Variants in AGAP1 observed in about 807,000 individuals in gnomAD.
AGAP1 encodes ArfGAP with GTPase domain, ankyrin repeat and PH domain 1.
A neutral mutation model predicts 105.3 loss-of-function variants in AGAP1; 29 were observed. The ratio of observed to expected loss-of-function variants is 0.28; its 90% confidence interval spans 0.21 to 0.38. The LOEUF is 0.38. Ranked by LOEUF, AGAP1 falls within the 10% of genes least tolerant of loss-of-function variation. The pLI is 1.00. For missense variants in AGAP1, 998 were observed against 1,165.1 expected, an observed-to-expected ratio of 0.86 and a Z score of 2.09; for synonymous variants, 509 against 485.9, an observed-to-expected ratio of 1.05 and a Z score of -0.63.
chr2:235,936,330 C>T lies in AGAP1; in HGVS notation c.1483+5407C>T, dbSNP rs1027925378. 1.3e-5 allele frequency among the ~76,000 whole-genome samples: 2 copies of T among 152,336 alleles called. No individual in the cohort carries two copies. Among genetic ancestry groups the T allele is most frequent in the African/African-American group, 2.4e-5 (1 of 41,572 alleles). On this transcript the variant is annotated intron_variant, in intron 12 of 17. Transcript: ENST00000304032. This position sits in a 1 kb window ranked among gnomAD's most constrained non-coding sequence, Gnocchi z 4.7. ...TGTGTACGGGTGTATGCTCTGGTCCCTGTTTCCTTCTGGCCACGTAATCAT... is the reference window on the plus strand; with the variant it reads ...TGTGTACGGGTGTATGCTCTGGTCCTTGTTTCCTTCTGGCCACGTAATCAT...
intron 1 of AGAP1, among the ~76,000 whole-genome samples, chr2:235,685,796 G>A (rs1201186558): frequency 1.3e-5 from 2 of 152,102 alleles, no homozygotes; most frequent in Admixed American, 1.3e-4. Flanking sequence ...GGTTGAGGAT[G>A]TGCGCTCATT....
Position 235,600,400 on chromosome 2 carries a change from C to T in AGAP1, c.163+105551C>T, listed in dbSNP as rs546723180. ...CACCTGAAGCCCTCCTCTTACCCAC[C>T]CTCTGCCCTATAGACCCCCATACTC... On this transcript the variant is annotated intron_variant, in intron 1 of 17. Transcript: ENST00000304032. This position sits in a 1 kb window ranked among gnomAD's most constrained non-coding sequence, Gnocchi z 4.8. Among the ~76,000 whole-genome samples the T allele has an allele frequency of 4.6e-5, 7 of 152,280 alleles. No individual in the cohort carries two copies. The highest frequency in any genetic ancestry group is 9.6e-5 in the African/African-American group (4 of 41,562).
In AGAP1 at chr2:235,625,670, C is replaced by T. The variant is rs538720080; in HGVS notation, c.164-83509C>T. 3.3e-5 allele frequency among the ~76,000 whole-genome samples: 5 copies of T among 152,166 alleles called. No individual in the cohort carries two copies. Among genetic ancestry groups the T allele is most frequent in the Non-Finnish European group, 7.3e-5 (5 of 68,036 alleles). ...GATCTTTGTGCAACTTTTCTAAATA[C>T]AGAGTTGGTTGTGACATATTCAGCT... On this transcript the variant is annotated intron_variant, in intron 1 of 17. Coordinates refer to ENST00000304032, the MANE Select transcript of AGAP1 (RefSeq NM_001037131.3). The surrounding 1 kb of genome is among the most constrained non-coding windows in gnomAD (Gnocchi z 4.0).
Position 235,979,156 on chromosome 2 carries a change from G to A in AGAP1, c.1645+10533G>A, listed in dbSNP as rs2054986602. ...TGTTGTTTTTGTTTTTTTTTTTTTG[G>A]GATATGATCTCACTGTGTTGTCCGG... On this transcript the variant is annotated intron_variant, in intron 13 of 17. Coordinates refer to ENST00000304032, the MANE Select transcript of AGAP1 (RefSeq NM_001037131.3). This position sits in a 1 kb window ranked among gnomAD's most constrained non-coding sequence, Gnocchi z 4.5. Among the ~76,000 whole-genome samples the A allele has an allele frequency of 6.8e-6, 1 of 147,454 alleles. No homozygotes were observed. Among genetic ancestry groups the A allele is most frequent in the Non-Finnish European group, 1.5e-5 (1 of 67,244 alleles).
At chr2:236,085,585 TC>T (rs1440082972) in intron 16 of AGAP1, among the ~76,000 whole-genome samples, 6 of 152,188 alleles carry the variant, frequency 3.9e-5, no homozygotes, top group African/African-American at 1.4e-4. Flanking sequence ...CCCAGCATGC[TC>T]AGGGCTCCTT....
At chr2:235,661,933 G>A (rs1177867338) in intron 1 of AGAP1, among the ~76,000 whole-genome samples, 1 of 152,206 alleles carries the variant, frequency 6.6e-6, no homozygotes, top group African/African-American at 2.4e-5. Context: ...CCTACAGCTG[G>A]AGGGGAAGTT....
chr2:235,930,580 G>A lies in AGAP1; in HGVS notation c.1325-185G>A, dbSNP rs943714158. ...TTTGTCAGGCACCATCAAGATTGGC[G>A]TCCCCCTTTTATTCCTCCCGAATAG... On this transcript the variant is annotated intron_variant, in intron 11 of 17. Coordinates refer to ENST00000304032, the MANE Select transcript of AGAP1 (RefSeq NM_001037131.3). The surrounding 1 kb of genome is among the most constrained non-coding windows in gnomAD (Gnocchi z 7.9). Among the ~76,000 whole-genome samples, 3 of 151,900 alleles carry A rather than the reference G, an allele frequency of 2.0e-5. No homozygotes were observed. The highest frequency in any genetic ancestry group is 4.8e-5 in the African/African-American group (2 of 41,424).
intron 12 of AGAP1, among the ~76,000 whole-genome samples, chr2:235,940,733 G>A (rs560048600): frequency 1.1e-3 from 172 of 152,310 alleles, no homozygotes; most frequent in Non-Finnish European, 2.0e-3. Flanking sequence ...TGTTTTCCTA[G>A]CATCTGTCAC....
rs145548694 is a variant in AGAP1 at position 235,976,477 on chromosome 2, A to G, written c.1645+7854A>G. On this transcript the variant is annotated intron_variant, in intron 13 of 17. Coordinates refer to ENST00000304032, the MANE Select transcript of AGAP1 (RefSeq NM_001037131.3). This position sits in a 1 kb window ranked among gnomAD's most constrained non-coding sequence, Gnocchi z 4.5. ...ATCACAGCAGGGGCAGCCAGAACGG[A>G]AGATTCCCATCGTGATGAACCGACG... is the stretch of plus-strand genomic sequence containing the variant. 5.9e-5 allele frequency among the ~76,000 whole-genome samples: 9 copies of G among 152,332 alleles called. No homozygotes were observed. The highest frequency in any genetic ancestry group is 2.2e-4 in the African/African-American group (9 of 41,592).
rs1029647580 is a variant in AGAP1 at position 235,788,195 on chromosome 2, A to C, written c.674-9564A>C. ...AGTGCACAGAGAAGCAGAGTGCCATACTGGGACCCTACGGTACAGCCAGCC... is the reference window on the plus strand; with the variant it reads ...AGTGCACAGAGAAGCAGAGTGCCATCCTGGGACCCTACGGTACAGCCAGCC... On this transcript the variant is annotated intron_variant, in intron 6 of 17. Transcript: ENST00000304032. The surrounding 1 kb of genome is among the most constrained non-coding windows in gnomAD (Gnocchi z 6.0). Among the ~76,000 whole-genome samples, 1 of 152,128 alleles carries C rather than the reference A, an allele frequency of 6.6e-6. No individual in the cohort carries two copies. The highest frequency in any genetic ancestry group is 1.5e-5 in the Non-Finnish European group (1 of 68,026).
chr2:235,693,443 A>G (rs909710091), intron 1 of AGAP1, among the ~76,000 whole-genome samples: 13 of 152,314 alleles, frequency 8.5e-5, no homozygotes, highest in Admixed American at 1.3e-4. Context: ...ATGGGGACTC[A>G]GCCTAGAGTG....
rs1250257332 is a variant in AGAP1 at position 235,893,660 on chromosome 2, G to A, written c.1155+10211G>A. ...GTACATCATTGCCTCGGGTGAGAAT[G>A]TCCCTTTCTGCCCCATCTAGTGTAT... is the stretch of plus-strand genomic sequence containing the variant. On this transcript the variant is annotated intron_variant, in intron 10 of 17. Coordinates refer to ENST00000304032, the MANE Select transcript of AGAP1 (RefSeq NM_001037131.3). The surrounding 1 kb of genome is among the most constrained non-coding windows in gnomAD (Gnocchi z 4.7). Among the ~76,000 whole-genome samples, 1 of 152,150 alleles carries A rather than the reference G, an allele frequency of 6.6e-6. No individual in the cohort carries two copies. Among genetic ancestry groups the A allele is most frequent in the Non-Finnish European group, 1.5e-5 (1 of 68,032 alleles).
chr2:235,997,590 C>T (rs557371795), intron 13 of AGAP1, among the ~76,000 whole-genome samples: 48 of 152,276 alleles, frequency 3.2e-4, no homozygotes, highest in African/African-American at 1.1e-3. Flanking sequence ...GGTAACTGCC[C>T]ACTGTATGTG....
At chr2:235,762,223 C>A (rs995954555) in intron 6 of AGAP1, among the ~76,000 whole-genome samples, 7 of 152,048 alleles carry the variant, frequency 4.6e-5, no homozygotes, top group African/African-American at 1.7e-4. Context: ...GTTAGCAGCA[C>A]TGAATTTGTT....
chr2:235,825,962 A>G (rs1959039157), intron 9 of AGAP1, among the ~76,000 whole-genome samples: 1 of 152,168 alleles, frequency 6.6e-6, no homozygotes, highest in Non-Finnish European at 1.5e-5. Flanking sequence ...AAAACATCTC[A>G]TGTGCCTCAT....
intron 6 of AGAP1, among the ~76,000 whole-genome samples, chr2:235,780,308 A>AAT (rs986558772): frequency 1.4e-4 from 22 of 152,002 alleles, no homozygotes; most frequent in South Asian, 4.2e-4. Context: ...GATGCAGCAA[A>AAT]ATATATATAT....
intron 1 of AGAP1, among the ~76,000 whole-genome samples, chr2:235,581,663 G>A (rs1238272109): frequency 4.6e-5 from 7 of 151,822 alleles, no homozygotes; most frequent in Admixed American, 6.6e-5. Context: ...AAAATTAGCC[G>A]GGTGTAGTGG....
Position 235,572,003 on chromosome 2 carries a change from C to CACACA in AGAP1, c.163+77154_163+77155insACACA, listed in dbSNP as rs1336199763. ...ACACACACACACACACACACACACA[C>CACACA]TTTTTTTTTTTTTTTTTGAAGCAGC... On this transcript the variant is annotated intron_variant, in intron 1 of 17. Transcript: ENST00000304032. Among the ~76,000 whole-genome samples the CACACA allele has an allele frequency of 6.0e-3, 557 of 93,350 alleles. 2 individuals carry two copies. The highest frequency in any genetic ancestry group is 8.1e-3 in the African/African-American group (172 of 21,282). 61.2% of individuals were successfully genotyped at this position (93,350 alleles called of 152,430 possible).
At chr2:235,657,471 C>G (rs1238153092) in intron 1 of AGAP1, among the ~76,000 whole-genome samples, 1 of 152,084 alleles carries the variant, frequency 6.6e-6, no homozygotes, top group Non-Finnish European at 1.5e-5. Flanking sequence ...CTCTGCCTCT[C>G]GGGTTCAGGC....
Sources: allele counts gnomAD v4.1 joint callset (sites outside exome capture counted in the v4.1 genomes callset), GRCh38; gene constraint gnomAD v4.1.1; non-coding constraint Gnocchi (gnomAD v3.1); transcripts MANE v1.5; gene names NCBI Gene and HGNC (gene_info 2026-07-23, HGNC 2026-07-21).